The following CDH13 variants were observed in gnomAD, a reference collection of about 807,000 sequenced individuals.
CDH13 encodes the protein cadherin-13.
A neutral mutation model predicts 63.8 loss-of-function variants in CDH13; 24 were observed. The ratio of observed to expected loss-of-function variants is 0.38; its 90% CI spans 0.27 to 0.53. CDH13 has a LOEUF of 0.53. CDH13 is among the 20% of genes least tolerant of loss of function. CDH13 has a pLI of 0.85. For synonymous variants in CDH13, 503 were observed against 355.3 expected, an observed-to-expected ratio of 1.42 and a Z score of -4.67; for missense variants, 1,049 against 903.1, an observed-to-expected ratio of 1.16 and a Z score of -2.07.
intron 3 of CDH13, among the ~76,000 whole-genome samples, chr16:83,088,270 G>A (rs1418680997): frequency 6.6e-6 from 1 of 152,034 alleles, no homozygotes; most frequent in Non-Finnish European, 1.5e-5. Context: ...GAGTTTCATG[G>A]GTTTTGTGCT....
chr16:82,782,068 A>C (rs1204076855), intron 1 of CDH13, among the ~76,000 whole-genome samples: 1 of 152,224 alleles, frequency 6.6e-6, no homozygotes, highest in African/African-American at 2.4e-5. Context: ...GAATATTCAG[A>C]CTTGAAGTTC....
chr16:83,338,667 G>A (rs77832691), intron 5 of CDH13, among the ~76,000 whole-genome samples: 2,512 of 152,294 alleles, frequency 0.016, 66 homozygotes, highest in African/African-American at 0.054. Flanking sequence ...TGATATTTGG[G>A]CCAAGATCTG....
intron 1 of CDH13, among the ~76,000 whole-genome samples, chr16:82,709,301 C>G (rs2031736096): frequency 6.6e-6 from 1 of 152,138 alleles, no homozygotes; most frequent in Non-Finnish European, 1.5e-5. Context: ...TCTGAACTTG[C>G]AATTTTTTTC....
intron 1 of CDH13, among the ~76,000 whole-genome samples, chr16:82,809,076 GTGTA>G (rs979585666): frequency 1.1e-4 from 17 of 152,138 alleles, no homozygotes; most frequent in African/African-American, 3.6e-4. Flanking sequence ...TTGTATATCA[GTGTA>G]TGTATCTACA....
At chr16:83,035,521 A>G (rs1375948959) in intron 3 of CDH13, among the ~76,000 whole-genome samples, 1 of 152,154 alleles carries the variant, frequency 6.6e-6, no homozygotes, top group African/African-American at 2.4e-5. Flanking sequence ...TTACTGATGG[A>G]GGAACTGAGG....
intron 7 of CDH13, among the ~76,000 whole-genome samples, chr16:83,601,322 C>G (rs1301861792): frequency 6.6e-6 from 1 of 152,154 alleles, no homozygotes; most frequent in Non-Finnish European, 1.5e-5. Flanking sequence ...AATGACTGCA[C>G]TCTTCTTCAT....
chr16:82,717,711 T>A (rs1190217080), intron 1 of CDH13, among the ~76,000 whole-genome samples: 1 of 152,246 alleles, frequency 6.6e-6, no homozygotes, highest in African/African-American at 2.4e-5. Context: ...GCTACCCAGA[T>A]AATCCAAAAT....
chr16:82,986,975 C>T (rs1003198647), intron 2 of CDH13, among the ~76,000 whole-genome samples: 7 of 152,202 alleles, frequency 4.6e-5, no homozygotes, highest in Admixed American at 2.6e-4. Context: ...CTTATCCCAT[C>T]TATTCCATCT....
At chr16:82,629,879 A>T (rs944023807) in intron 1 of CDH13, among the ~76,000 whole-genome samples, 1 of 152,200 alleles carries the variant, frequency 6.6e-6, no homozygotes, top group South Asian at 2.1e-4. Flanking sequence ...TGAGCAAGAA[A>T]TTCCATGGTA....
intron 3 of CDH13, among the ~76,000 whole-genome samples, chr16:83,075,665 G>C (rs59132467): frequency 6.6e-6 from 1 of 152,086 alleles, no homozygotes; most frequent in Non-Finnish European, 1.5e-5. Flanking sequence ...AGGCGGTCCC[G>C]GCAAAGTAAT....
chr16:82,819,451 C>T (rs536013210), intron 1 of CDH13, among the ~76,000 whole-genome samples: 3 of 152,264 alleles, frequency 2.0e-5, no homozygotes, highest in African/African-American at 4.8e-5. Flanking sequence ...ATACAGGAAG[C>T]TTCTAAGCTG....
chr16:83,096,277 T>A (rs1218144530), intron 3 of CDH13, among the ~76,000 whole-genome samples: 1 of 152,322 alleles, frequency 6.6e-6, no homozygotes, highest in Non-Finnish European at 1.5e-5. Context: ...ATAGTATTAG[T>A]CTGCAGCTCT....
At chr16:83,136,101 A>T (rs2036271127) in intron 4 of CDH13, among the ~76,000 whole-genome samples, 1 of 151,920 alleles carries the variant, frequency 6.6e-6, no homozygotes, top group South Asian at 2.1e-4. Flanking sequence ...GTGCACCAAA[A>T]TCTCACATAT....
At chr16:83,511,161 C>G (rs2074554700) in intron 7 of CDH13, among the ~76,000 whole-genome samples, 2 of 152,354 alleles carry the variant, frequency 1.3e-5, no homozygotes, top group Middle Eastern at 3.4e-3. Context: ...CACACGCTCA[C>G]ACACACAGAA....
intron 1 of CDH13, chr16:82,825,406 G>C (rs1366203165): frequency 6.6e-6 from 1 of 151,934 alleles, no homozygotes; most frequent in Admixed American, 6.6e-5. Flanking sequence ...TAGTAGCAAA[G>C]TACCTCATTC....
intron 6 of CDH13, among the ~76,000 whole-genome samples, chr16:83,351,478 A>G (rs1295540884): frequency 6.6e-6 from 1 of 152,078 alleles, no homozygotes; most frequent in Non-Finnish European, 1.5e-5. Flanking sequence ...GCACAGTTTT[A>G]CAGAATGGGA....
chr16:82,784,517 A>T (rs1052935939), intron 1 of CDH13, among the ~76,000 whole-genome samples: 4 of 152,212 alleles, frequency 2.6e-5, no homozygotes, highest in African/African-American at 9.7e-5. Context: ...TATGTGCCCT[A>T]CATTGTCCTA....
intron 6 of CDH13, among the ~76,000 whole-genome samples, chr16:83,470,064 C>T (rs1047751390): frequency 2.6e-5 from 4 of 152,310 alleles, no homozygotes; most frequent in African/African-American, 9.6e-5. Context: ...TATCCTGCTT[C>T]AGATCTGTGC....
At chr16:82,917,914 C>CAAAAAAA (rs34766700) in intron 2 of CDH13, among the ~76,000 whole-genome samples, 3 of 45,948 alleles carry the variant, frequency 6.5e-5, no homozygotes, top group African/African-American at 2.1e-4. Context: ...GACTCCATGT[C>CAAAAAAA]AAAAAAAAAA....
Sources: gnomAD v4.1 joint callset for allele counts (sites outside exome capture counted in the v4.1 genomes callset) on GRCh38, gnomAD v4.1.1 for gene constraint, MANE v1.5 for transcripts, NCBI Gene and HGNC (gene_info 2026-07-23, HGNC 2026-07-21) for gene names.